The following IGF2BP2 variants were observed in gnomAD, a reference collection of about 807,000 sequenced individuals.
The protein encoded by IGF2BP2 is insulin-like growth factor 2 mRNA-binding protein 2.
Under a neutral mutation model 75.8 loss-of-function variants are expected in IGF2BP2, and 17 were observed. That is an observed-to-expected ratio of 0.22 (90% CI 0.15 to 0.34). The LOEUF (loss-of-function observed/expected upper bound fraction) is 0.34. IGF2BP2 is among the 10% of genes least tolerant of loss of function. The pLI is 1.00. For synonymous variants in IGF2BP2, 288 were observed against 295.6 expected (o/e 0.97, Z 0.26); for missense variants, 516 against 772.4 (o/e 0.67, Z 3.93).
At chr3:185,787,757 G>A (rs1048586273) in intron 2 of IGF2BP2, among the ~76,000 whole-genome samples, 2 of 151,906 alleles carry the variant, frequency 1.3e-5, no homozygotes, top group Non-Finnish European at 2.9e-5. Context: ...GTTTGCACGA[G>A]TTACAAAGCT....
intron 5 of IGF2BP2, 58 bp from the exon 6 acceptor site, chr3:185,689,685 C>T (rs1721654597): frequency 9.3e-6 from 15 of 1,608,874 alleles, no homozygotes; most frequent in Middle Eastern, 1.7e-4. Context: ...AAAGACCCTC[C>T]CGGCCGGGCG....
chr3:185,803,927 C>G (rs943249614), intron 2 of IGF2BP2, among the ~76,000 whole-genome samples: 7 of 151,964 alleles, frequency 4.6e-5, no homozygotes, highest in Non-Finnish European at 5.9e-5. Context: ...AGTTTGAGAC[C>G]AGCCTGGCCA....
intron 2 of IGF2BP2, among the ~76,000 whole-genome samples, chr3:185,740,326 C>T (rs919927637): frequency 6.6e-6 from 1 of 152,188 alleles, no homozygotes; most frequent in Non-Finnish European, 1.5e-5. Flanking sequence ...ATCAACAGCA[C>T]CTACTATGTG....
intron 10 of IGF2BP2, among the ~76,000 whole-genome samples, chr3:185,665,663 T>C (rs1717448777): frequency 6.6e-6 from 1 of 152,042 alleles, no homozygotes; most frequent in Non-Finnish European, 1.5e-5. Context: ...AGTAACATTT[T>C]TAGAGTTCTA....
chr3:185,740,860 AT>A (rs925040235), intron 2 of IGF2BP2, among the ~76,000 whole-genome samples: 7 of 152,180 alleles, frequency 4.6e-5, no homozygotes, highest in African/African-American at 1.7e-4. Flanking sequence ...ATGTTTGCAT[AT>A]TTTCTTTTTT....
intron 2 of IGF2BP2, among the ~76,000 whole-genome samples, chr3:185,781,366 T>A: frequency 6.6e-6 from 1 of 152,178 alleles, no homozygotes; most frequent in Non-Finnish European, 1.5e-5. Context: ...AAAGGAAGAA[T>A]CTAGTTGTCT....
chr3:185,742,617 A>G (rs1452353402), intron 2 of IGF2BP2, among the ~76,000 whole-genome samples: 1 of 152,136 alleles, frequency 6.6e-6, no homozygotes, highest in Non-Finnish European at 1.5e-5. Flanking sequence ...TGATCACCCC[A>G]CTGCACTCCA....
At chr3:185,701,568 G>A (rs1278010375) in intron 2 of IGF2BP2, among the ~76,000 whole-genome samples, 8 of 152,078 alleles carry the variant, frequency 5.3e-5, no homozygotes, top group Non-Finnish European at 8.8e-5. Context: ...GGAAAACTCC[G>A]CCCAATGCTG....
At chr3:185,807,010 T>A (rs1036781888) in intron 2 of IGF2BP2, among the ~76,000 whole-genome samples, 3 of 152,144 alleles carry the variant, frequency 2.0e-5, no homozygotes, top group Admixed American at 6.5e-5. Flanking sequence ...CTCTTGTAGA[T>A]CATGGCTAAC....
chr3:185,807,878 C>G (rs1739230667), intron 2 of IGF2BP2, among the ~76,000 whole-genome samples: 2 of 152,174 alleles, frequency 1.3e-5, no homozygotes, highest in African/African-American at 4.8e-5. Flanking sequence ...ACTGTAGCCA[C>G]AGATGGCAGC....
At chr3:185,653,019 C>T (rs1714858100) in intron 12 of IGF2BP2, among the ~76,000 whole-genome samples, 1 of 152,074 alleles carries the variant, frequency 6.6e-6, no homozygotes, top group African/African-American at 2.4e-5. Flanking sequence ...CCATGTTGGC[C>T]AGGCTGGTCT....
At chr3:185,801,616 C>T (rs182991713) in intron 2 of IGF2BP2, among the ~76,000 whole-genome samples, 82 of 152,096 alleles carry the variant, frequency 5.4e-4, no homozygotes, top group Non-Finnish European at 9.0e-4. Context: ...TGTGGCAATG[C>T]CTCAAGGATC....
At chr3:185,749,289 T>C (rs957478020) in intron 2 of IGF2BP2, among the ~76,000 whole-genome samples, 2 of 152,254 alleles carry the variant, frequency 1.3e-5, no homozygotes, top group African/African-American at 4.8e-5. Context: ...TCTACTAGTT[T>C]ATTTATCAGG....
chr3:185,815,756 C>A (rs1372623807), intron 2 of IGF2BP2, among the ~76,000 whole-genome samples: 1 of 151,962 alleles, frequency 6.6e-6, no homozygotes, highest in Non-Finnish European at 1.5e-5. Flanking sequence ...GATAATTCCT[C>A]TCTCCCTCCC....
intron 12 of IGF2BP2, among the ~76,000 whole-genome samples, chr3:185,654,126 C>A (rs1715046818): frequency 6.6e-6 from 1 of 152,228 alleles, no homozygotes; most frequent in Non-Finnish European, 1.5e-5. Flanking sequence ...TTCATGGGAT[C>A]TGCAAAGAGT....
At chr3:185,811,068 T>C (rs1004748903) in intron 2 of IGF2BP2, among the ~76,000 whole-genome samples, 1 of 152,152 alleles carries the variant, frequency 6.6e-6, no homozygotes, top group Non-Finnish European at 1.5e-5. Flanking sequence ...TATATATACA[T>C]ATTCTACATT....
intron 2 of IGF2BP2, among the ~76,000 whole-genome samples, chr3:185,777,346 C>CA (rs137896229): frequency 2.3e-3 from 356 of 151,756 alleles, no homozygotes; most frequent in Non-Finnish European, 3.7e-3. Context: ...CAAAACAAAA[C>CA]AAAAAAAATT....
chr3:185,679,967 C>A (rs948827718), intron 7 of IGF2BP2, among the ~76,000 whole-genome samples: 1 of 151,932 alleles, frequency 6.6e-6, no homozygotes, highest in Non-Finnish European at 1.5e-5. Context: ...AGCATAAAAA[C>A]GGCAATAATA....
At chr3:185,811,830 G>GTCTCTCTCTGTCTCTCTCTCTCTC in intron 2 of IGF2BP2, among the ~76,000 whole-genome samples, 2 of 120,808 alleles carry the variant, frequency 1.7e-5, no homozygotes, top group South Asian at 5.9e-4. Flanking sequence ...AGAGTAGGGT[G>GTCTCTCTCTGTCTCTCTCTCTCTC]TCTCTCTCTC....
Sources: gnomAD v4.1 joint callset for allele counts (sites outside exome capture counted in the v4.1 genomes callset) on GRCh38, gnomAD v4.1.1 for gene constraint, MANE v1.5 for transcripts, NCBI Gene and HGNC (gene_info 2026-07-23, HGNC 2026-07-21) for gene names.